The following METTL21A variants were observed in gnomAD, a reference collection of about 807,000 sequenced individuals.
The protein encoded by METTL21A is methyltransferase 21A, HSPA lysine, also known as protein N-lysine methyltransferase METTL21A.
In METTL21A, 22 loss-of-function variants were observed where a neutral mutation model predicts 20.9. The ratio of observed to expected loss-of-function variants is 1.05; its 90% confidence interval spans 0.75 to 1.50. The LOEUF is 1.50. METTL21A is among the 40% of genes most tolerant of loss of function. The pLI, the probability that METTL21A is intolerant of heterozygous loss-of-function variation, is 0.00. For synonymous variants in METTL21A, 93 were observed against 102.0 expected (o/e 0.91, Z 0.53); for missense variants, 271 against 266.8 (o/e 1.02, Z -0.11).
At chr2:207,613,156 A>G (rs1272129637) in exon 4 of METTL21A, 19 of 1,614,000 alleles carry the variant, frequency 1.2e-5, no homozygotes, top group Non-Finnish European at 1.5e-5. Context: ...ATTGCTAAGA[A>G]GTTGTTATCC....
At chr2:207,614,134 C>T (rs985247822) in intron 3 of METTL21A, among the ~76,000 whole-genome samples, 4 of 152,090 alleles carry the variant, frequency 2.6e-5, no homozygotes, top group Middle Eastern at 3.2e-3. Flanking sequence ...GGTACAGTGG[C>T]TCATGCCTGT....
At chr2:207,596,498 A>G (rs1005867350) in intron 3 of METTL21A, among the ~76,000 whole-genome samples, 1 of 152,216 alleles carries the variant, frequency 6.6e-6, no homozygotes, top group Non-Finnish European at 1.5e-5. Context: ...CAGTGGCGCA[A>G]TCTCAGCTTA....
At chr2:207,623,448 G>A (rs2090742338) in intron 2 of METTL21A, among the ~76,000 whole-genome samples, 1 of 152,328 alleles carries the variant, frequency 6.6e-6, no homozygotes, top group East Asian at 1.9e-4. Context: ...GGGAGAGGAA[G>A]AAGTTAAAAA....
At chr2:207,588,895 G>T (rs1203895989) in intron 3 of METTL21A, among the ~76,000 whole-genome samples, 2 of 143,664 alleles carry the variant, frequency 1.4e-5, no homozygotes, top group African/African-American at 2.6e-5. Context: ...TTGTCGGGGG[G>T]GGTGTAGATT....
downstream of METTL21A, among the ~76,000 whole-genome samples, chr2:207,604,388 G>T (rs2087695123): frequency 6.6e-6 from 1 of 152,114 alleles, no homozygotes; most frequent in South Asian, 2.1e-4. Flanking sequence ...CTCGTAAGTG[G>T]TGCCACTATC....
At chr2:207,603,431 CTGTA>C in intron 3 of METTL21A, 1 of 224,792 alleles carries the variant, frequency 4.4e-6, no homozygotes, top group East Asian at 6.5e-5. Flanking sequence ...TTTAAAAACT[CTGTA>C]AGTCTCTTTT....
chr2:207,591,990 T>G (rs2085129776), intron 3 of METTL21A, among the ~76,000 whole-genome samples: 1 of 152,232 alleles, frequency 6.6e-6, no homozygotes, highest in Non-Finnish European at 1.5e-5. Context: ...ATTATATTTC[T>G]GCCTCAAAAA....
chr2:207,607,963 C>T (rs576145544), downstream of METTL21A, among the ~76,000 whole-genome samples: 17 of 152,164 alleles, frequency 1.1e-4, no homozygotes, highest in African/African-American at 3.6e-4. Context: ...CCCAGATACG[C>T]GCGCTCGCTC....
intron 3 of METTL21A, among the ~76,000 whole-genome samples, chr2:207,590,311 TC>T (rs765839752): frequency 2.1e-4 from 32 of 151,944 alleles, no homozygotes; most frequent in Non-Finnish European, 4.7e-4. Flanking sequence ...TTTTTGTCTT[TC>T]CTCTCTCTCT....
chr2:207,588,869 ATTAG>A (rs1331818597), intron 3 of METTL21A, among the ~76,000 whole-genome samples: 13 of 131,010 alleles, frequency 9.9e-5, no homozygotes, highest in African/African-American at 2.9e-4. Context: ...AAATTTACTT[ATTAG>A]TTCTAGGAGC....
chr2:207,598,329 T>G (rs2086506089), intron 3 of METTL21A: 1 of 184,546 alleles, frequency 5.4e-6, no homozygotes, highest in African/African-American at 2.3e-5. Context: ...TTAGTTCTGC[T>G]TTAGCTTTCC....
intron 3 of METTL21A, chr2:207,597,756 A>G (rs999843650): frequency 4.9e-5 from 10 of 202,184 alleles, no homozygotes; most frequent in Non-Finnish European, 3.0e-5. Flanking sequence ...TATGTGTTCA[A>G]CATTTTTGAA....
At chr2:207,592,410 AT>A (rs2085222016) in intron 3 of METTL21A, among the ~76,000 whole-genome samples, 1 of 152,086 alleles carries the variant, frequency 6.6e-6, no homozygotes, top group Non-Finnish European at 1.5e-5. Flanking sequence ...ATCTCAAAAA[AT>A]AAAAAAAGAT....
downstream of METTL21A, among the ~76,000 whole-genome samples, chr2:207,607,109 TCGGGCCTGGTGGCTC>T (rs1320006847): frequency 9.2e-5 from 14 of 151,858 alleles, 1 homozygote; most frequent in African/African-American, 3.4e-4. Context: ...GAATATAAGG[TCGGGCCTGGTGGCTC>T]ACACCTGTAA....
intron 3 of METTL21A, chr2:207,598,598 G>C (rs1316157251): frequency 5.8e-6 from 1 of 172,828 alleles, no homozygotes; most frequent in Non-Finnish European, 1.3e-5. Context: ...TGTAATCCCA[G>C]CACTTTGGGA....
At chr2:207,621,852 C>T (rs1190193719) in exon 3 of METTL21A, 13 of 1,614,098 alleles carry the variant, frequency 8.1e-6, no homozygotes, top group African/African-American at 2.7e-5. Context: ...CAGCACCCAG[C>T]TCCACGGCAG....
intron 3 of METTL21A, chr2:207,600,743 C>T (rs897961884): frequency 4.8e-6 from 1 of 210,404 alleles, no homozygotes; most frequent in Non-Finnish European, 9.6e-6. Flanking sequence ...CAGCCTATCC[C>T]ATCAGATGTC....
At chr2:207,591,970 G>C (rs1166405965) in intron 3 of METTL21A, among the ~76,000 whole-genome samples, 2 of 151,906 alleles carry the variant, frequency 1.3e-5, no homozygotes, top group Non-Finnish European at 2.9e-5. Context: ...ATAAATCCAT[G>C]TTTTAATCTA....
chr2:207,625,647 C>G (rs1450263090), upstream of METTL21A: 1 of 152,296 alleles, frequency 6.6e-6, no homozygotes, highest in Non-Finnish European at 1.5e-5. Context: ...GTGCCCTGGG[C>G]TCTCCTAGCG....
Sources: gnomAD v4.1 joint callset for allele counts (sites outside exome capture counted in the v4.1 genomes callset) on GRCh38, gnomAD v4.1.1 for gene constraint, MANE v1.5 for transcripts, NCBI Gene and HGNC (gene_info 2026-07-23, HGNC 2026-07-21) for gene names.